Variants in MAPK10 observed in about 807,000 individuals in gnomAD.
MAPK10 encodes the protein JNK3 alpha protein kinase.
A neutral mutation model predicts 59.3 loss-of-function variants in MAPK10; 25 were observed. The ratio of observed to expected loss-of-function variants is 0.42; its 90% CI spans 0.31 to 0.59. The LOEUF (loss-of-function observed/expected upper bound fraction) is 0.59. Among genes scored for constraint, MAPK10 ranks in the 20% least tolerant of loss-of-function variants. The pLI, the probability that MAPK10 is intolerant of heterozygous loss-of-function variation, is 0.15. For missense variants in MAPK10, 351 were observed against 568.9 expected (o/e 0.62, Z 3.90); for synonymous variants, 190 against 200.5 (o/e 0.95, Z 0.44).
intron 1 of MAPK10, among the ~76,000 whole-genome samples, chr4:86,438,019 T>C (rs879522836): frequency 1.3e-5 from 2 of 152,226 alleles, no homozygotes; most frequent in Non-Finnish European, 2.9e-5. Flanking sequence ...ATGCCACTTA[T>C]ATAAAGTTCA....
At chr4:86,214,511 T>TAAAAAAAAAA (rs70948783) in intron 2 of MAPK10, among the ~76,000 whole-genome samples, 1 of 75,960 alleles carries the variant, frequency 1.3e-5, no homozygotes, top group Non-Finnish European at 2.6e-5. Flanking sequence ...TAAGATTCCT[T>TAAAAAAAAAA]AAAAAAAAAA....
At chr4:86,350,168 C>T (rs1165914854) in intron 2 of MAPK10, among the ~76,000 whole-genome samples, 1 of 152,086 alleles carries the variant, frequency 6.6e-6, no homozygotes, top group Non-Finnish European at 1.5e-5. Flanking sequence ...TCTCCTGCCT[C>T]AGCCTCCTGA....
intron 1 of MAPK10, among the ~76,000 whole-genome samples, chr4:86,554,628 C>G (rs181927640): frequency 6.6e-6 from 1 of 152,198 alleles, no homozygotes; most frequent in Non-Finnish European, 1.5e-5. Context: ...CAGGCTCTTA[C>G]GATTTCTGTC....
chr4:86,075,780 A>T (rs1321720731), intron 9 of MAPK10, among the ~76,000 whole-genome samples: 5 of 152,016 alleles, frequency 3.3e-5, no homozygotes, highest in South Asian at 2.1e-4. Context: ...TGCTGGGAGA[A>T]CCACTGCTCT....
intron 2 of MAPK10, among the ~76,000 whole-genome samples, chr4:86,336,784 C>CTTTT (rs70948788): frequency 9.4e-4 from 78 of 83,092 alleles, no homozygotes; most frequent in Non-Finnish European, 1.0e-3. Context: ...GGAATGACTC[C>CTTTT]TTTTTTTTTT....
chr4:86,134,837 A>C (rs1262628992), intron 4 of MAPK10, among the ~76,000 whole-genome samples: 1 of 152,190 alleles, frequency 6.6e-6, no homozygotes, highest in Non-Finnish European at 1.5e-5. Flanking sequence ...CGCACCATGC[A>C]CGAGCCGAAG....
intron 2 of MAPK10, among the ~76,000 whole-genome samples, chr4:86,227,499 AAG>A (rs2090855643): frequency 9.3e-5 from 14 of 150,570 alleles, no homozygotes; most frequent in Admixed American, 4.6e-4. Context: ...AAAAAAAAAA[AAG>A]AAAGAAAAGA....
chr4:86,359,765 T>C lies in MAPK10; in HGVS notation c.-229A>G, dbSNP rs1337341833. 2 of 985,550 alleles carry C rather than the reference T, an allele frequency of 2.0e-6. No individual in the cohort carries two copies. Among genetic ancestry groups the C allele is most frequent in the Admixed American group, 6.2e-5 (1 of 16,242 alleles). 61.1% of individuals were successfully genotyped at this position (985,550 alleles called of 1,614,324 possible). ...TCCAGACTAACATGGAAGAGATTCT[T>C]TGGAGATATGGAGATTGTTTAAAAT... On this transcript the variant is annotated 5_prime_UTR_variant, in exon 1 of 14. Coordinates refer to ENST00000641462, the MANE Select transcript of MAPK10 (RefSeq NM_138982.4).
At chr4:86,280,494 C>A (rs2094754683) in intron 2 of MAPK10, among the ~76,000 whole-genome samples, 1 of 152,022 alleles carries the variant, frequency 6.6e-6, no homozygotes, top group South Asian at 2.1e-4. Flanking sequence ...ACTCTTATAC[C>A]CTGTTGGAGG....
chr4:86,025,529 A>AT, intron 13 of MAPK10: 1 of 398,452 alleles, frequency 2.5e-6, no homozygotes, highest in Non-Finnish European at 4.4e-6. Context: ...GAATATGATC[A>AT]TTGTGTTCAG....
chr4:86,275,149 T>C (rs978561552), intron 2 of MAPK10, among the ~76,000 whole-genome samples: 29 of 152,042 alleles, frequency 1.9e-4, no homozygotes, highest in Non-Finnish European at 3.7e-4. Flanking sequence ...AGGATAAATA[T>C]GCAATTCTGA....
chr4:86,025,552 T>C lies in MAPK10; in HGVS notation c.1252+3645A>G, dbSNP rs1425694730. On this transcript the variant is annotated intron_variant, in intron 13 of 13. Transcript: ENST00000641462. ...TCATTGTGTTCAGTTGTCCAGTCAA[T>C]GTGAGAAATATCTCTTCTTTCTATA... is the stretch of plus-strand genomic sequence containing the variant. 11 of 398,366 alleles carry C rather than the reference T, an allele frequency of 2.8e-5. No homozygotes were observed. The East Asian group carries it at 3.9e-4, about 14-fold the overall frequency. The allele number at this position is 398,366 out of a possible 1,614,324, so 24.7% of individuals were successfully genotyped here. A position where few individuals can be genotyped will look rare whatever the true frequency, so the allele number is the denominator to read the frequency against.
At chr4:86,434,985 T>C (rs1302069090) in intron 1 of MAPK10, among the ~76,000 whole-genome samples, 1 of 152,126 alleles carries the variant, frequency 6.6e-6, no homozygotes. Flanking sequence ...ATCTGATCAT[T>C]TGCAGCAACA....
chr4:86,165,950 T>A (rs563684276), intron 3 of MAPK10, among the ~76,000 whole-genome samples: 7 of 152,336 alleles, frequency 4.6e-5, no homozygotes, highest in Non-Finnish European at 8.8e-5. Context: ...TTATGTTTGA[T>A]AATTTGATAA....
intron 11 of MAPK10, among the ~76,000 whole-genome samples, chr4:86,049,842 C>T (rs768487297): frequency 6.6e-6 from 1 of 152,104 alleles, no homozygotes; most frequent in Non-Finnish European, 1.5e-5. Flanking sequence ...TTTATCACTT[C>T]ATCAGTCAGA....
intron 1 of MAPK10, among the ~76,000 whole-genome samples, chr4:86,392,733 A>C (rs1279653375): frequency 6.6e-6 from 1 of 152,230 alleles, no homozygotes; most frequent in African/African-American, 2.4e-5. Flanking sequence ...GACTGAAAAA[A>C]ATGCTGCAAG....
At chr4:86,473,376 G>T (rs1752811527) in intron 1 of MAPK10, among the ~76,000 whole-genome samples, 4 of 152,152 alleles carry the variant, frequency 2.6e-5, no homozygotes. Context: ...TACTGTGAAG[G>T]TTCTCTGAAT....
At chr4:86,117,369 C>A (rs2058445922) in intron 4 of MAPK10, among the ~76,000 whole-genome samples, 1 of 152,174 alleles carries the variant, frequency 6.6e-6, no homozygotes. Flanking sequence ...TCCCAGTGAT[C>A]ACTACACCCT....
intron 1 of MAPK10, among the ~76,000 whole-genome samples, chr4:86,376,027 T>C (rs1739759418): frequency 6.6e-6 from 1 of 152,202 alleles, no homozygotes; most frequent in Non-Finnish European, 1.5e-5. Context: ...TATCTCATTC[T>C]ACCATTAAAT....
Sources: allele counts gnomAD v4.1 joint callset (sites outside exome capture counted in the v4.1 genomes callset), GRCh38; gene constraint gnomAD v4.1.1; transcripts MANE v1.5; gene names NCBI Gene and HGNC (gene_info 2026-07-23, HGNC 2026-07-21).